EDN1: variants seen among roughly 807,000 people sequenced by gnomAD.
EDN1 encodes endothelin-1.
In EDN1, 11 loss-of-function variants were observed where a neutral mutation model predicts 21.7. The observed-to-expected ratio is 0.51, with a 90% CI of 0.32 to 0.84. The LOEUF (loss-of-function observed/expected upper bound fraction) is 0.84. EDN1 is among the 40% of genes least tolerant of loss of function. The probability of loss-of-function intolerance (pLI) is 0.03; values close to 1 mark genes in which losing one functional copy is unlikely to be tolerated. For missense variants in EDN1, 244 were observed against 262.3 expected (o/e 0.93, Z 0.48); for synonymous variants, 85 against 90.6 (o/e 0.94, Z 0.35).
At chr6:12,264,321 C>T in the EDN1 span, among the ~76,000 whole-genome samples, 1 of 152,142 alleles carries the variant, frequency 6.6e-6, no homozygotes, top group African/African-American at 2.4e-5. Context: ...AGTTCTTAAC[C>T]TCTCTGATTT....
chr6:12,278,293 A>T, the EDN1 span, among the ~76,000 whole-genome samples: 1 of 152,182 alleles, frequency 6.6e-6, no homozygotes, highest in Non-Finnish European at 1.5e-5. Context: ...TTCTTCCCAG[A>T]TTAAAATTCA....
At chr6:12,232,407 G>GTCAT in the EDN1 span, among the ~76,000 whole-genome samples, 1 of 151,586 alleles carries the variant, frequency 6.6e-6, no homozygotes, top group African/African-American at 2.4e-5. Context: ...ATAAATAAGG[G>GTCAT]TCATATGATT....
At chr6:12,268,014 T>A in the EDN1 span, among the ~76,000 whole-genome samples, 2 of 152,226 alleles carry the variant, frequency 1.3e-5, no homozygotes, top group Non-Finnish European at 2.9e-5. Context: ...CATTATTTAC[T>A]GAATATTTTA....
At chr6:12,260,164 G>A in the EDN1 span, among the ~76,000 whole-genome samples, 1 of 152,114 alleles carries the variant, frequency 6.6e-6, no homozygotes, top group East Asian at 1.9e-4. Flanking sequence ...ATTAGTAAGA[G>A]TTCTTGTTAA....
chr6:12,233,826 C>T, the EDN1 span, among the ~76,000 whole-genome samples: 8 of 152,330 alleles, frequency 5.3e-5, no homozygotes, highest in South Asian at 2.1e-4. Flanking sequence ...ACCCTTCTTC[C>T]GCTCCTCCTC....
chr6:12,284,378 A>C, the EDN1 span, among the ~76,000 whole-genome samples: 2 of 152,110 alleles, frequency 1.3e-5, no homozygotes, highest in Non-Finnish European at 2.9e-5. Flanking sequence ...AAAACAAAAA[A>C]GAAATGCATA....
intron 2 of EDN1, among the ~76,000 whole-genome samples, chr6:12,293,014 T>G (rs1762725347): frequency 6.6e-6 from 1 of 152,244 alleles, no homozygotes; most frequent in African/African-American, 2.4e-5. Context: ...GAGCTAGAAC[T>G]GGAGCCCGGA....
chr6:12,249,374 A>C, the EDN1 span, among the ~76,000 whole-genome samples: 2 of 152,154 alleles, frequency 1.3e-5, no homozygotes, highest in Non-Finnish European at 2.9e-5. Context: ...TATGGATTGT[A>C]AAATGACTTA....
At chr6:12,283,807 T>C in the EDN1 span, among the ~76,000 whole-genome samples, 1 of 152,230 alleles carries the variant, frequency 6.6e-6, no homozygotes, top group African/African-American at 2.4e-5. Context: ...GCAAATCCAG[T>C]AACCAAAACA....
chr6:12,249,133 C>A, the EDN1 span, among the ~76,000 whole-genome samples: 38 of 152,256 alleles, frequency 2.5e-4, no homozygotes, highest in African/African-American at 8.7e-4. Flanking sequence ...TTCGGGTGAG[C>A]CTCAGATTTT....
the EDN1 span, among the ~76,000 whole-genome samples, chr6:12,264,489 GA>G: frequency 3.9e-5 from 6 of 152,252 alleles, no homozygotes; most frequent in East Asian, 1.2e-3. Flanking sequence ...GGTTGGAAGG[GA>G]AAGAATTGAA....
chr6:12,294,090 A>C lies in EDN1; in HGVS notation c.383A>C (p.Glu128Ala). The C allele has an allele frequency of 6.2e-7, 1 of 1,614,188 alleles. No homozygotes were observed. Among genetic ancestry groups the C allele is most frequent in the Non-Finnish European group, 8.5e-7 (1 of 1,180,046 alleles). The change falls in exon 3 of 5, where the codon GAA becomes GCA. Residue 128 changes from glutamate to alanine, a missense_variant. Coordinates refer to ENST00000379375, the MANE Select transcript of EDN1 (RefSeq NM_001955.5). ...KCWNFCQAGK[E>A]LRAEDIMEKD... is the part of the protein sequence containing the mutation. ...TGGAATTTTTGCCAAGCAGGAAAAGAACTCAGGTGAGCAGAAACACCTTTG... is the reference window on the plus strand; with the variant it reads ...TGGAATTTTTGCCAAGCAGGAAAAGCACTCAGGTGAGCAGAAACACCTTTG...
At chr6:12,292,264 C>T (rs1762701076) in intron 1 of EDN1, 77 bp from the exon 2 acceptor site, 1 of 1,593,962 alleles carries the variant, frequency 6.3e-7, no homozygotes, top group South Asian at 1.1e-5. Flanking sequence ...TCTGCTAGCT[C>T]TGACTCTACT....
chr6:12,253,280 T>C, the EDN1 span, among the ~76,000 whole-genome samples: 4 of 152,158 alleles, frequency 2.6e-5, no homozygotes, highest in Non-Finnish European at 5.9e-5. Flanking sequence ...TAATCACTTT[T>C]TCAGTAATAT....
the EDN1 span, among the ~76,000 whole-genome samples, chr6:12,275,169 C>T: frequency 6.6e-6 from 1 of 152,216 alleles, no homozygotes; most frequent in Non-Finnish European, 1.5e-5. Flanking sequence ...ACGGGGGTCC[C>T]TCAGGACTCT....
At chr6:12,249,847 G>A in the EDN1 span, among the ~76,000 whole-genome samples, 1 of 151,984 alleles carries the variant, frequency 6.6e-6, no homozygotes, top group Non-Finnish European at 1.5e-5. Context: ...GACCCCCTCA[G>A]GGTTGGTTGG....
At chr6:12,244,444 C>T in the EDN1 span, among the ~76,000 whole-genome samples, 1 of 152,292 alleles carries the variant, frequency 6.6e-6, no homozygotes, top group East Asian at 1.9e-4. Flanking sequence ...TACAAGTTTA[C>T]CAAAATTCAA....
chr6:12,247,541 T>C, the EDN1 span, among the ~76,000 whole-genome samples: 19,759 of 121,810 alleles, frequency 0.16, 976 homozygotes, highest in African/African-American at 0.31. Flanking sequence ...TCTTTCTTTT[T>C]TTTTTTTTTT....
At chr6:12,287,119 A>G (rs1762568849), upstream of EDN1, among the ~76,000 whole-genome samples, 1 of 102,224 alleles carries the variant, frequency 9.8e-6, no homozygotes, top group South Asian at 4.0e-4. Context: ...CCTGTCCCCA[A>G]AAAAATTAAA....
Sources: gnomAD v4.1 joint callset for allele counts (sites outside exome capture counted in the v4.1 genomes callset) on GRCh38, gnomAD v4.1.1 for gene constraint, MANE v1.5 for transcripts, NCBI Gene and HGNC (gene_info 2026-07-23, HGNC 2026-07-21) for gene names.